Variants in NGEF observed in about 807,000 individuals in gnomAD.
The protein encoded by NGEF is neuronal guanine nucleotide exchange factor.
A neutral mutation model predicts 80.9 loss-of-function variants in NGEF; 31 were observed. The observed-to-expected ratio is 0.38, with a 90% CI of 0.29 to 0.52. The LOEUF (loss-of-function observed/expected upper bound fraction) is 0.52. NGEF is among the 20% of genes least tolerant of loss of function. NGEF has a pLI of 0.84. For missense variants in NGEF, 709 were observed against 926.2 expected, an observed-to-expected ratio of 0.77 and a Z score of 3.04; for synonymous variants, 371 against 370.2, an observed-to-expected ratio of 1.00 and a Z score of -0.03.
rs1052387210 is a variant in NGEF at position 232,883,358 on chromosome 2, C to T, written c.1710G>A (p.Glu570=). 6.2e-7 allele frequency: 1 copy of T among 1,612,586 alleles called. No individual in the cohort carries two copies. Among genetic ancestry groups the T allele is most frequent in the Non-Finnish European group, 8.5e-7 (1 of 1,179,490 alleles). Residue 570 remains glutamate, a synonymous_variant, in exon 12 of 15, where the codon GAG becomes GAA. Coordinates refer to ENST00000264051, the MANE Select transcript of NGEF (RefSeq NM_019850.3). ...AGGTGGCCTCCCGGTCATCTGCGTT[C>T]TCCAGCAGCCGCAGGATGAACACGT... is the stretch of plus-strand genomic sequence containing the variant. The part of the protein sequence containing the change: ...LANVFILRLL[E]NADDREATYM...
chr2:233,009,465 ACCC>A (rs1380272628), intron 1 of NGEF, among the ~76,000 whole-genome samples: 1 of 151,892 alleles, frequency 6.6e-6, no homozygotes, highest in African/African-American at 2.4e-5. Context: ...ACTACAGGAC[ACCC>A]CACTGCACCC....
At chr2:232,932,848 A>T (rs1377320680) in intron 3 of NGEF, among the ~76,000 whole-genome samples, 6 of 151,958 alleles carry the variant, frequency 3.9e-5, no homozygotes, top group African/African-American at 1.5e-4. Flanking sequence ...TCACACCTTT[A>T]ATCCCAGCAC....
At chr2:232,959,031 C>A (rs1220535871) in intron 3 of NGEF, among the ~76,000 whole-genome samples, 3 of 152,168 alleles carry the variant, frequency 2.0e-5, no homozygotes, top group Non-Finnish European at 4.4e-5. Context: ...AAGAGATTAT[C>A]AATAATCTCT....
At chr2:233,000,039 G>A (rs943127358) in intron 1 of NGEF, among the ~76,000 whole-genome samples, 3 of 152,212 alleles carry the variant, frequency 2.0e-5, no homozygotes, top group African/African-American at 4.8e-5. Context: ...GGAACTGTAA[G>A]TCCAAGACCA....
intron 3 of NGEF, among the ~76,000 whole-genome samples, chr2:232,957,386 A>C (rs1693852719): frequency 6.6e-6 from 1 of 152,038 alleles, no homozygotes; most frequent in Non-Finnish European, 1.5e-5. Context: ...GCAGTGGCGC[A>C]ATCTGGACTC....
intron 14 of NGEF, among the ~76,000 whole-genome samples, chr2:232,880,560 T>C (rs534907323): frequency 2.0e-5 from 3 of 152,322 alleles, no homozygotes; most frequent in African/African-American, 7.2e-5. Flanking sequence ...AGTTGTATAC[T>C]TTGGGGATTT....
At chr2:233,011,464 G>C (rs929072525) in intron 1 of NGEF, among the ~76,000 whole-genome samples, 1 of 152,088 alleles carries the variant, frequency 6.6e-6, no homozygotes, top group Non-Finnish European at 1.5e-5. Context: ...AGAGCCAGCA[G>C]GCTTGGGTGG....
intron 10 of NGEF, among the ~76,000 whole-genome samples, chr2:232,884,479 T>A (rs569819628): frequency 1.3e-5 from 2 of 152,326 alleles, no homozygotes; most frequent in East Asian, 3.9e-4. Context: ...TGTTTACATG[T>A]GTGCACTGCT....
intron 2 of NGEF, among the ~76,000 whole-genome samples, chr2:232,972,153 C>T (rs1435049578): frequency 6.6e-6 from 1 of 152,158 alleles, no homozygotes; most frequent in East Asian, 1.9e-4. Flanking sequence ...TGTAAATCCA[C>T]TTTTCTGACT....
chr2:232,993,048 C>A (rs1488847054), intron 1 of NGEF, among the ~76,000 whole-genome samples: 6 of 115,828 alleles, frequency 5.2e-5, no homozygotes, highest in South Asian at 3.2e-4. Flanking sequence ...TATATATATT[C>A]AAAAATATAC....
At chr2:232,887,340 T>A (rs574890162) in intron 9 of NGEF, among the ~76,000 whole-genome samples, 5 of 152,232 alleles carry the variant, frequency 3.3e-5, no homozygotes, top group South Asian at 2.1e-4. Context: ...ACCCCTGCTC[T>A]GCTGCAAACC....
intron 3 of NGEF, among the ~76,000 whole-genome samples, chr2:232,927,726 T>C (rs1475216065): frequency 6.7e-6 from 1 of 149,262 alleles, no homozygotes; most frequent in Non-Finnish European, 1.5e-5. Flanking sequence ...ACCCACCCGA[T>C]GGGGTGCGGG....
intron 3 of NGEF, among the ~76,000 whole-genome samples, chr2:232,949,030 C>CA (rs142989664): frequency 0.1 from 14,158 of 137,470 alleles, 840 homozygotes; most frequent in African/African-American, 0.17. Flanking sequence ...AAAAACCCCC[C>CA]AAAAAAAACA....
rs1274944227 is a variant in NGEF at position 232,968,093 on chromosome 2, C to CTTTTTTTTTTTTTTTT, written c.383+2120_383+2121insAAAAAAAAAAAAAAAA. On this transcript the variant is annotated intron_variant, in intron 3 of 14. Transcript: ENST00000264051. ...TTGCTGAGGGCAGAAACAGACCTGGCTTTTTTTTTTTTGAGACAAAGTTTC... is the reference window on the plus strand; with the variant it reads ...TTGCTGAGGGCAGAAACAGACCTGGCTTTTTTTTTTTTTTTTTTTTTTTTTTTTGAGACAAAGTTTC... Among the ~76,000 whole-genome samples, 935 of 125,568 alleles carry CTTTTTTTTTTTTTTTT rather than the reference C, an allele frequency of 7.4e-3. 93 individuals carry two copies. The highest frequency in any genetic ancestry group is 0.029 in the African/African-American group (854 of 29,496). 82.4% of individuals were successfully genotyped at this position (125,568 alleles called of 152,430 possible). A position where few individuals can be genotyped will look rare whatever the true frequency, so the allele number is the denominator to read the frequency against.
intron 1 of NGEF, among the ~76,000 whole-genome samples, chr2:232,997,737 C>G (rs553163972): frequency 8.5e-5 from 13 of 152,322 alleles, no homozygotes; most frequent in African/African-American, 3.1e-4. Flanking sequence ...GCCCTCTGCT[C>G]TCCAGGGCCC....
chr2:232,914,507 A>G (rs1692752546), intron 5 of NGEF, among the ~76,000 whole-genome samples: 2 of 152,170 alleles, frequency 1.3e-5, no homozygotes, highest in South Asian at 2.1e-4. Flanking sequence ...GCTTGAGACC[A>G]GCCTGGCCAT....
At chr2:232,937,628 C>T (rs970396179) in intron 3 of NGEF, among the ~76,000 whole-genome samples, 1 of 152,202 alleles carries the variant, frequency 6.6e-6, no homozygotes. Context: ...GCATCCTCAG[C>T]ACCAGCACTT....
At chr2:232,891,039 C>T (rs144330167) in intron 8 of NGEF, 38 of 505,076 alleles carry the variant, frequency 7.5e-5, no homozygotes, top group African/African-American at 6.0e-4. Context: ...TCAGCTTACA[C>T]GTCACGTGTC....
chr2:232,897,484 G>A lies in NGEF; in HGVS notation c.829-2568C>T, dbSNP rs553241345. 2.2e-3 allele frequency among the ~76,000 whole-genome samples: 331 copies of A among 152,202 alleles called. 3 individuals carry two copies. The highest frequency in any genetic ancestry group is 7.2e-3 in the African/African-American group (300 of 41,498). ...GAGATGCTGCCACCTCCCAGGTAGC[G>A]CAGGGGTTTGCTGGGCATTTGATGC... is the stretch of plus-strand genomic sequence containing the variant. On this transcript the variant is annotated intron_variant, in intron 5 of 14. Transcript: ENST00000264051.
Sources: gnomAD v4.1 joint callset for allele counts (sites outside exome capture counted in the v4.1 genomes callset) on GRCh38, gnomAD v4.1.1 for gene constraint, MANE v1.5 for transcripts, NCBI Gene and HGNC (gene_info 2026-07-23, HGNC 2026-07-21) for gene names.